The following CHST8 variants were observed in gnomAD, a reference collection of about 807,000 sequenced individuals.
The protein encoded by CHST8 is GALNAC-4-ST1.
Under a neutral mutation model 15.0 loss-of-function variants are expected in CHST8, and 10 were observed. The ratio of observed to expected loss-of-function variants is 0.67; its 90% CI spans 0.41 to 1.13. The LOEUF is 1.13. CHST8 is among the 50% of genes most tolerant of loss of function. CHST8 has a pLI of 0.00. For missense variants in CHST8, 634 were observed against 608.2 expected, an observed-to-expected ratio of 1.04 and a Z score of -0.45; for synonymous variants, 259 against 256.6, an observed-to-expected ratio of 1.01 and a Z score of -0.09.
intron 1 of CHST8, among the ~76,000 whole-genome samples, chr19:33,629,455 C>T (rs1329469078): frequency 6.6e-6 from 1 of 152,260 alleles, no homozygotes; most frequent in Non-Finnish European, 1.5e-5. Flanking sequence ...GGGGCTCTGC[C>T]CAAGGCTGGG....
chr19:33,705,621 C>T (rs1230312362), intron 3 of CHST8, among the ~76,000 whole-genome samples: 3 of 152,152 alleles, frequency 2.0e-5, no homozygotes, highest in Non-Finnish European at 2.9e-5. Context: ...TGTGGGTGCC[C>T]GTGGGTGTAA....
chr19:33,661,972 G>C (rs1166295471), intron 1 of CHST8, among the ~76,000 whole-genome samples: 3 of 152,006 alleles, frequency 2.0e-5, no homozygotes, highest in Non-Finnish European at 2.9e-5. Flanking sequence ...GGAGTTTGAG[G>C]CTGCAGTGAG....
intron 1 of CHST8, among the ~76,000 whole-genome samples, chr19:33,666,171 A>T (rs977305274): frequency 1.3e-5 from 2 of 152,238 alleles, no homozygotes; most frequent in Non-Finnish European, 2.9e-5. Flanking sequence ...GAGCAGTCTT[A>T]TCTGGAACTG....
chr19:33,652,492 C>T (rs931114865), intron 1 of CHST8, among the ~76,000 whole-genome samples: 3 of 148,738 alleles, frequency 2.0e-5, no homozygotes. Context: ...TATCCTGCTT[C>T]AGCTTCCTGA....
chr19:33,759,818 C>T (rs572374097), intron 3 of CHST8, among the ~76,000 whole-genome samples: 78 of 152,316 alleles, frequency 5.1e-4, no homozygotes, highest in African/African-American at 1.5e-3. Context: ...GATGTAGTGG[C>T]GAGTTCAGGC....
chr19:33,692,452 C>G (rs1973114916), intron 3 of CHST8, among the ~76,000 whole-genome samples: 1 of 152,120 alleles, frequency 6.6e-6, no homozygotes, highest in African/African-American at 2.4e-5. Context: ...AATCTCAGTA[C>G]TTTGGGAGGC....
intron 3 of CHST8, among the ~76,000 whole-genome samples, chr19:33,714,133 G>T (rs76825680): frequency 0.079 from 12,001 of 152,070 alleles, 516 homozygotes; most frequent in East Asian, 0.12. Context: ...ATTTGATCCC[G>T]CAGTTCCACT....
intron 3 of CHST8, among the ~76,000 whole-genome samples, chr19:33,747,562 C>T (rs960994895): frequency 3.3e-5 from 5 of 151,270 alleles, no homozygotes; most frequent in Non-Finnish European, 7.4e-5. Context: ...CACACACATA[C>T]ACACACACAC....
In CHST8 at chr19:33,733,319, C is replaced by T. The variant is rs1335366401; in HGVS notation, c.131-38094C>T. Among the ~76,000 whole-genome samples the T allele has an allele frequency of 4.6e-5, 7 of 151,140 alleles. 1 individual carries two copies. Among genetic ancestry groups the T allele is most frequent in the East Asian group, 1.9e-4 (1 of 5,140 alleles). ...CATGATCTTGGCTCACTGAAACCTCCACCTCCTGGGTTCAAGCAATTCTCC... is the reference window on the plus strand; with the variant it reads ...CATGATCTTGGCTCACTGAAACCTCTACCTCCTGGGTTCAAGCAATTCTCC... On this transcript the variant is annotated intron_variant, in intron 3 of 4. Transcript: ENST00000650847.
chr19:33,768,823 G>C (rs1280212636), intron 3 of CHST8, among the ~76,000 whole-genome samples: 1 of 152,202 alleles, frequency 6.6e-6, no homozygotes, highest in Admixed American at 6.5e-5. Flanking sequence ...GCTGCCGTAA[G>C]TCTAAGGGTT....
At chr19:33,767,605 A>G (rs1974877599) in intron 3 of CHST8, among the ~76,000 whole-genome samples, 1 of 152,062 alleles carries the variant, frequency 6.6e-6, no homozygotes, top group African/African-American at 2.4e-5. Context: ...TGTTCCAGCC[A>G]CTCCACGCAT....
At chr19:33,755,631 C>T (rs867994343) in intron 3 of CHST8, among the ~76,000 whole-genome samples, 1 of 152,220 alleles carries the variant, frequency 6.6e-6, no homozygotes, top group African/African-American at 2.4e-5. Flanking sequence ...ATTTCACAAC[C>T]GCAAAGAGGT....
chr19:33,767,577 C>G (rs1480897134), intron 3 of CHST8, among the ~76,000 whole-genome samples: 4 of 152,230 alleles, frequency 2.6e-5, no homozygotes, highest in Non-Finnish European at 5.9e-5. Flanking sequence ...CTCACCGATG[C>G]TCTTATCATA....
intron 1 of CHST8, among the ~76,000 whole-genome samples, chr19:33,656,239 T>C (rs1320316331): frequency 6.6e-6 from 1 of 152,212 alleles, no homozygotes; most frequent in African/African-American, 2.4e-5. Context: ...CATATTTTTA[T>C]AAAATCTAAA....
chr19:33,762,539 A>G (rs1394323540), intron 3 of CHST8, among the ~76,000 whole-genome samples: 2 of 152,250 alleles, frequency 1.3e-5, no homozygotes, highest in Non-Finnish European at 2.9e-5. Context: ...GGCCAGAGAC[A>G]GGAAGATGCA....
chr19:33,661,847 A>G (rs1392030053), intron 1 of CHST8, among the ~76,000 whole-genome samples: 2 of 147,702 alleles, frequency 1.4e-5, no homozygotes, highest in Non-Finnish European at 3.0e-5. Flanking sequence ...CCTGGGCAAC[A>G]CAGGGAGATT....
chr19:33,721,838 T>G (rs1973797594), intron 3 of CHST8, among the ~76,000 whole-genome samples: 2 of 149,346 alleles, frequency 1.3e-5, no homozygotes, highest in Admixed American at 6.6e-5. Context: ...GATGTTTGTA[T>G]AGAGGGATGG....
intron 1 of CHST8, among the ~76,000 whole-genome samples, chr19:33,627,035 C>G (rs1972062733): frequency 6.9e-6 from 1 of 144,876 alleles, no homozygotes; most frequent in African/African-American, 2.6e-5. Context: ...AGCAATCCTT[C>G]TGCCTCAGTC....
chr19:33,743,861 G>A (rs768121639), intron 3 of CHST8, among the ~76,000 whole-genome samples: 2 of 150,450 alleles, frequency 1.3e-5, no homozygotes, highest in Non-Finnish European at 3.0e-5. Context: ...GTGCAGTCTC[G>A]GTTCACTGCA....
Sources: gnomAD v4.1 joint callset for allele counts (sites outside exome capture counted in the v4.1 genomes callset) on GRCh38, gnomAD v4.1.1 for gene constraint, MANE v1.5 for transcripts, NCBI Gene and HGNC (gene_info 2026-07-23, HGNC 2026-07-21) for gene names.